DLG2: variants seen among roughly 807,000 people sequenced by gnomAD.
The protein encoded by DLG2 is disks large homolog 2.
DLG2 carries 45 observed loss-of-function variants against 132.5 expected under a neutral mutation model. The ratio of observed to expected loss-of-function variants is 0.34; its 90% confidence interval spans 0.27 to 0.44. The LOEUF (loss-of-function observed/expected upper bound fraction) is 0.44, where lower values mean the gene tolerates loss of function less well. Among genes scored for constraint, DLG2 ranks in the 20% least tolerant of loss-of-function variants. The pLI is 1.00. For missense variants in DLG2, 1,045 were observed against 1,196.9 expected (o/e 0.87, Z 1.87); for synonymous variants, 424 against 419.6 (o/e 1.01, Z -0.13).
chr11:84,791,100 A>T (rs2073779559), intron 6 of DLG2, among the ~76,000 whole-genome samples: 1 of 152,150 alleles, frequency 6.6e-6, no homozygotes, highest in African/African-American at 2.4e-5. Flanking sequence ...GGTGAGATCG[A>T]GTATGTGAAG....
intron 4 of DLG2, among the ~76,000 whole-genome samples, chr11:85,211,735 A>T (rs529931483): frequency 1.3e-5 from 2 of 152,234 alleles, no homozygotes; most frequent in African/African-American, 4.8e-5. Flanking sequence ...AACATTTATG[A>T]TACCCTCACT....
intron 8 of DLG2, among the ~76,000 whole-genome samples, chr11:84,182,158 A>C (rs912869825): frequency 3.3e-5 from 5 of 152,228 alleles, no homozygotes; most frequent in Non-Finnish European, 7.3e-5. Context: ...GTTCAAAAGA[A>C]TAGATACAAT....
intron 4 of DLG2, among the ~76,000 whole-genome samples, chr11:85,202,952 T>A (rs1283623879): frequency 6.6e-6 from 1 of 151,246 alleles, no homozygotes; most frequent in South Asian, 2.1e-4. Flanking sequence ...ATCTAAAAAC[T>A]TCAAATAACC....
chr11:83,477,746 T>A (rs2092732938), intron 22 of DLG2, among the ~76,000 whole-genome samples: 3 of 151,934 alleles, frequency 2.0e-5, no homozygotes, highest in Admixed American at 2.0e-4. Flanking sequence ...AGAGGGGTTT[T>A]TTTTTGTATT....
intron 18 of DLG2, among the ~76,000 whole-genome samples, chr11:83,642,788 T>C (rs1170739196): frequency 6.6e-6 from 1 of 152,168 alleles, no homozygotes. Flanking sequence ...GTTTGAATCA[T>C]AAGTTTATTA....
chr11:84,358,755 T>C (rs778869832), intron 7 of DLG2, among the ~76,000 whole-genome samples: 2 of 151,878 alleles, frequency 1.3e-5, no homozygotes, highest in African/African-American at 4.8e-5. Flanking sequence ...TGTAATACCA[T>C]TAGAACAAAA....
At chr11:85,530,394 C>T (rs1236614954) in intron 3 of DLG2, among the ~76,000 whole-genome samples, 1 of 151,196 alleles carries the variant, frequency 6.6e-6, no homozygotes, top group Non-Finnish European at 1.5e-5. Context: ...GATCTTGGCT[C>T]ACTGCAACCT....
chr11:85,449,515 T>C (rs1012500314), intron 3 of DLG2, among the ~76,000 whole-genome samples: 2 of 152,098 alleles, frequency 1.3e-5, no homozygotes, highest in Admixed American at 6.6e-5. Context: ...CCCCTTCTTT[T>C]TAATTATATC....
At chr11:85,536,683 T>G (rs1411304365) in intron 3 of DLG2, among the ~76,000 whole-genome samples, 1 of 152,216 alleles carries the variant, frequency 6.6e-6, no homozygotes, top group African/African-American at 2.4e-5. Context: ...GGGTTCCAGG[T>G]GAGCGCAGGC....
chr11:84,252,704 T>G lies in DLG2; in HGVS notation c.520-1413A>C, dbSNP rs1365348533. Reference sequence around the variant, plus strand: ...TAACTTCATGAATATTGAGTAGAGCTATCTTTACTTTTTAGTTTCTAGAAT... The same window carrying G: ...TAACTTCATGAATATTGAGTAGAGCGATCTTTACTTTTTAGTTTCTAGAAT... On this transcript the variant is annotated intron_variant, in intron 7 of 27. Coordinates refer to ENST00000376104, the MANE Select transcript of DLG2 (RefSeq NM_001142699.3). 5.3e-5 allele frequency among the ~76,000 whole-genome samples: 8 copies of G among 152,230 alleles called. No homozygotes were observed. The East Asian group carries it at 1.3e-3, about 26-fold the overall frequency.
At chr11:85,126,408 G>A (rs2075119900) in intron 5 of DLG2, among the ~76,000 whole-genome samples, 1 of 152,074 alleles carries the variant, frequency 6.6e-6, no homozygotes, top group South Asian at 2.1e-4. Flanking sequence ...GCAGCTGGAT[G>A]GAATACTTAA....
intron 6 of DLG2, among the ~76,000 whole-genome samples, chr11:84,905,696 T>G (rs983517287): frequency 1.3e-5 from 2 of 152,190 alleles, no homozygotes; most frequent in East Asian, 3.8e-4. Context: ...ATGGGCTGAC[T>G]TCTATAATAA....
intron 8 of DLG2, among the ~76,000 whole-genome samples, chr11:84,201,390 G>A (rs576684810): frequency 1.3e-3 from 196 of 152,150 alleles, no homozygotes; most frequent in African/African-American, 4.4e-3. Context: ...ATCAAGCATC[G>A]TGCCCTGATA....
chr11:83,914,878 C>T (rs556085222), intron 15 of DLG2, among the ~76,000 whole-genome samples: 9 of 152,154 alleles, frequency 5.9e-5, no homozygotes, highest in South Asian at 2.1e-4. Flanking sequence ...GATATAGAGA[C>T]GAGAGACATA....
intron 6 of DLG2, among the ~76,000 whole-genome samples, chr11:84,597,054 C>T (rs2154531562): frequency 6.6e-6 from 1 of 152,094 alleles, no homozygotes; most frequent in East Asian, 1.9e-4. Context: ...AACCCCATCT[C>T]TACTAAAAAT....
intron 6 of DLG2, among the ~76,000 whole-genome samples, chr11:84,548,680 T>A (rs1459327371): frequency 6.6e-6 from 1 of 152,164 alleles, no homozygotes; most frequent in Non-Finnish European, 1.5e-5. Context: ...CCGTCTATCA[T>A]TATTGGACAT....
intron 3 of DLG2, among the ~76,000 whole-genome samples, chr11:85,526,606 G>C (rs2074769618): frequency 6.6e-6 from 1 of 152,122 alleles, no homozygotes; most frequent in Non-Finnish European, 1.5e-5. Flanking sequence ...CATTAGAACT[G>C]GTAACTACAT....
intron 7 of DLG2, among the ~76,000 whole-genome samples, chr11:84,303,725 C>G (rs778197069): frequency 4.6e-5 from 7 of 152,084 alleles, no homozygotes; most frequent in African/African-American, 7.2e-5. Flanking sequence ...GAATAAGAAT[C>G]TGAGTTAAAC....
chr11:85,295,174 C>T (rs918247697), intron 3 of DLG2, among the ~76,000 whole-genome samples: 1 of 152,012 alleles, frequency 6.6e-6, no homozygotes, highest in Non-Finnish European at 1.5e-5. Context: ...GATGTAGGAA[C>T]GTTGTCAATT....
Sources: allele counts gnomAD v4.1 joint callset (sites outside exome capture counted in the v4.1 genomes callset), GRCh38; gene constraint gnomAD v4.1.1; transcripts MANE v1.5; gene names NCBI Gene and HGNC (gene_info 2026-07-23, HGNC 2026-07-21).